Variants in LRMDA observed in about 807,000 individuals in gnomAD.
LRMDA encodes leucine rich melanocyte differentiation associated, also known as leucine-rich melanocyte differentiation-associated protein.
LRMDA carries 18 observed loss-of-function variants against 29.8 expected under a neutral mutation model. The observed-to-expected ratio is 0.60, with a 90% confidence interval of 0.42 to 0.90. The LOEUF (loss-of-function observed/expected upper bound fraction) is 0.90, where lower values mean the gene tolerates loss of function less well. Ranked by LOEUF, LRMDA falls within the 40% of genes least tolerant of loss-of-function variation. The pLI is 0.00. For synonymous variants in LRMDA, 125 were observed against 109.4 expected (o/e 1.14, Z -0.89); for missense variants, 273 against 273.9 (o/e 1.00, Z 0.02).
intron 6 of LRMDA, among the ~76,000 whole-genome samples, chr10:76,463,257 C>T (rs949311498): frequency 3.3e-5 from 5 of 152,126 alleles, no homozygotes; most frequent in Non-Finnish European, 7.4e-5. Context: ...AGATGCTTCC[C>T]CAGGGGAAAA....
chr10:75,435,110 A>G (rs560729323), intron 1 of LRMDA, among the ~76,000 whole-genome samples: 1 of 152,346 alleles, frequency 6.6e-6, no homozygotes, highest in African/African-American at 2.4e-5. Context: ...CAAATTATAG[A>G]AAATAGAGAA....
intron 5 of LRMDA, among the ~76,000 whole-genome samples, chr10:76,209,147 C>G (rs1851590402): frequency 6.6e-6 from 1 of 152,060 alleles, no homozygotes; most frequent in Admixed American, 6.6e-5. Flanking sequence ...AAGAGTGAAA[C>G]TCCATCTGAA....
chr10:75,624,510 A>G (rs564851642), intron 2 of LRMDA, among the ~76,000 whole-genome samples: 1 of 152,312 alleles, frequency 6.6e-6, no homozygotes, highest in East Asian at 1.9e-4. Context: ...TCTACATTAT[A>G]TTAATAATTT....
chr10:75,729,073 C>T (rs949226388), intron 2 of LRMDA, among the ~76,000 whole-genome samples: 1 of 152,186 alleles, frequency 6.6e-6, no homozygotes, highest in Non-Finnish European at 1.5e-5. Context: ...CTCACTCCCC[C>T]AGCCCTCTCT....
chr10:76,026,595 C>T (rs1356183169), intron 2 of LRMDA, among the ~76,000 whole-genome samples: 6 of 152,190 alleles, frequency 3.9e-5, no homozygotes, highest in Admixed American at 1.3e-4. Context: ...GCACATGTTA[C>T]ACCCTTCCCA....
chr10:75,632,538 G>A (rs1841336782), intron 2 of LRMDA, among the ~76,000 whole-genome samples: 1 of 151,986 alleles, frequency 6.6e-6, no homozygotes, highest in Admixed American at 6.6e-5. Context: ...TTAGCGTTTA[G>A]AGAAATATTT....
chr10:75,782,798 T>G, intron 2 of LRMDA: 1 of 1,422,652 alleles, frequency 7.0e-7, no homozygotes, highest in Non-Finnish European at 9.2e-7. Context: ...ACCCGCAACT[T>G]TCACTTGTTG....
intron 6 of LRMDA, among the ~76,000 whole-genome samples, chr10:76,486,959 A>G (rs997006019): frequency 2.0e-5 from 3 of 151,904 alleles, no homozygotes; most frequent in African/African-American, 7.2e-5. Context: ...TACTTGGACA[A>G]CTAATAAAGA....
chr10:76,212,281 C>T (rs1028600293), intron 5 of LRMDA, among the ~76,000 whole-genome samples: 13 of 131,842 alleles, frequency 9.9e-5, no homozygotes, highest in African/African-American at 3.7e-4. Flanking sequence ...AAAAAAAAAA[C>T]TATAGAGAAA....
At chr10:76,342,208 A>T (rs1379126659) in intron 6 of LRMDA, among the ~76,000 whole-genome samples, 5 of 152,216 alleles carry the variant, frequency 3.3e-5, no homozygotes, top group Non-Finnish European at 7.3e-5. Context: ...CTCTACCCAG[A>T]AATTTTCTAG....
intron 2 of LRMDA, among the ~76,000 whole-genome samples, chr10:75,998,629 C>T (rs1847511823): frequency 6.6e-6 from 1 of 152,176 alleles, no homozygotes; most frequent in South Asian, 2.1e-4. Context: ...ACTGTTGTCC[C>T]ATTTCTCAGG....
chr10:75,454,446 A>C (rs1174145364), intron 2 of LRMDA, among the ~76,000 whole-genome samples: 1 of 152,138 alleles, frequency 6.6e-6, no homozygotes, highest in Non-Finnish European at 1.5e-5. Flanking sequence ...AGTACTCAGC[A>C]TGCCAAAGCA....
At chr10:75,944,725 C>T (rs1484209924) in intron 2 of LRMDA, among the ~76,000 whole-genome samples, 3 of 148,690 alleles carry the variant, frequency 2.0e-5, no homozygotes, top group African/African-American at 4.9e-5. Context: ...TGTGTATATA[C>T]ACATATATAT....
intron 5 of LRMDA, among the ~76,000 whole-genome samples, chr10:76,241,322 G>T (rs1195334980): frequency 6.6e-6 from 1 of 152,168 alleles, no homozygotes; most frequent in Non-Finnish European, 1.5e-5. Flanking sequence ...TCCACTGAAA[G>T]AATCAGCTGG....
At chr10:75,669,980 C>T (rs1307248930) in intron 2 of LRMDA, among the ~76,000 whole-genome samples, 1 of 151,954 alleles carries the variant, frequency 6.6e-6, no homozygotes, top group African/African-American at 2.4e-5. Flanking sequence ...AAAATAGAGC[C>T]AAAATTACAT....
rs1458937747 is a variant in LRMDA at position 75,620,141 on chromosome 10, G to T, written c.131+181647G>T. Among the ~76,000 whole-genome samples the T allele has an allele frequency of 2.0e-5, 3 of 152,280 alleles. No homozygotes were observed. In the East Asian group the frequency reaches 5.8e-4, roughly 29 times the overall value. ...ACACTGCCTGCTCCCTGGAAGGACA[G>T]TTGGAACATTCACAGACCAGGCCTG... is the stretch of plus-strand genomic sequence containing the variant. On this transcript the variant is annotated intron_variant, in intron 2 of 6. Transcript: ENST00000611255.
At chr10:75,748,995 TG>T (rs1842921964) in intron 2 of LRMDA, among the ~76,000 whole-genome samples, 1 of 152,134 alleles carries the variant, frequency 6.6e-6, no homozygotes, top group Non-Finnish European at 1.5e-5. Flanking sequence ...TTAAACAACA[TG>T]GGTTTGAACT....
intron 2 of LRMDA, among the ~76,000 whole-genome samples, chr10:75,882,487 T>A (rs1845311181): frequency 6.6e-6 from 1 of 152,202 alleles, no homozygotes; most frequent in Non-Finnish European, 1.5e-5. Context: ...TACAGGTATC[T>A]CAAGATGGAG....
intron 6 of LRMDA, among the ~76,000 whole-genome samples, chr10:76,423,053 T>G (rs1842086629): frequency 6.6e-6 from 1 of 152,234 alleles, no homozygotes; most frequent in Non-Finnish European, 1.5e-5. Context: ...GTGAATGTCC[T>G]CTTTTATAGC....
Sources: allele counts gnomAD v4.1 joint callset (sites outside exome capture counted in the v4.1 genomes callset), GRCh38; gene constraint gnomAD v4.1.1; transcripts MANE v1.5; gene names NCBI Gene and HGNC (gene_info 2026-07-23, HGNC 2026-07-21).